ESYT2: variants seen among roughly 807,000 people sequenced by gnomAD.
ESYT2 encodes extended synaptotagmin-2.
A neutral mutation model predicts 107.2 loss-of-function variants in ESYT2; 54 were observed. The ratio of observed to expected loss-of-function variants is 0.50; its 90% confidence interval spans 0.40 to 0.63. The LOEUF is 0.63. Ranked by LOEUF, ESYT2 falls within the 30% of genes least tolerant of loss-of-function variation. The probability of loss-of-function intolerance (pLI) is 0.00; values close to 1 mark genes in which losing one functional copy is unlikely to be tolerated. For synonymous variants in ESYT2, 491 were observed against 434.1 expected (o/e 1.13, Z -1.63); for missense variants, 1,020 against 1,094.5 (o/e 0.93, Z 0.96).
chr7:158,759,682 G>A, intron 12 of ESYT2, 101 bp from the exon 13 acceptor site: 5 of 952,116 alleles, frequency 5.3e-6, no homozygotes, highest in South Asian at 5.1e-5. Flanking sequence ...AATAAGAAAG[G>A]TGAGAAACCA....
intron 17 of ESYT2, among the ~76,000 whole-genome samples, chr7:158,743,008 G>C (rs1837267405): frequency 6.6e-6 from 1 of 152,100 alleles, no homozygotes; most frequent in Non-Finnish European, 1.5e-5. Flanking sequence ...GCATTTCTTT[G>C]ATTCATGAGT....
At chr7:158,754,098 G>A (rs969681806) in intron 13 of ESYT2, among the ~76,000 whole-genome samples, 1 of 152,196 alleles carries the variant, frequency 6.6e-6, no homozygotes, top group African/African-American at 2.4e-5. Context: ...AAGTGCTTCA[G>A]GCAGGTGCCC....
At chr7:158,797,674 G>A (rs1283892435) in intron 3 of ESYT2, among the ~76,000 whole-genome samples, 5 of 151,972 alleles carry the variant, frequency 3.3e-5, no homozygotes, top group Non-Finnish European at 7.4e-5. Flanking sequence ...GTAACATGGT[G>A]AAACCCCGTC....
At chr7:158,735,834 T>C (rs907227921) in intron 20 of ESYT2, among the ~76,000 whole-genome samples, 4 of 152,138 alleles carry the variant, frequency 2.6e-5, no homozygotes, top group Non-Finnish European at 5.9e-5. Context: ...ATCCCATAGA[T>C]GTCTGGGTCC....
At chr7:158,825,882 A>G (rs755548666) in intron 1 of ESYT2, among the ~76,000 whole-genome samples, 1 of 152,140 alleles carries the variant, frequency 6.6e-6, no homozygotes, top group Non-Finnish European at 1.5e-5. Context: ...GTATGGTAAA[A>G]ATCAAGGTAC....
At chr7:158,824,621 T>C (rs1430067196) in intron 1 of ESYT2, among the ~76,000 whole-genome samples, 1 of 152,208 alleles carries the variant, frequency 6.6e-6, no homozygotes, top group Non-Finnish European at 1.5e-5. Context: ...AGGAAGCTAA[T>C]ATGCTTTAAT....
At chr7:158,788,486 A>C in intron 4 of ESYT2, 69 bp from the exon 5 acceptor site, 1 of 1,285,746 alleles carries the variant, frequency 7.8e-7, no homozygotes, top group Non-Finnish European at 1.1e-6. Context: ...ATAGACCTGC[A>C]AGATGTATAA....
intron 6 of ESYT2, among the ~76,000 whole-genome samples, chr7:158,786,642 C>A (rs927915902): frequency 1.3e-5 from 2 of 152,110 alleles, no homozygotes; most frequent in Admixed American, 6.5e-5. Flanking sequence ...ACACTTAATT[C>A]TTTTGTTTTT....
chr7:158,746,603 G>A (rs1245631061), intron 16 of ESYT2, among the ~76,000 whole-genome samples: 1 of 152,068 alleles, frequency 6.6e-6, no homozygotes, highest in Non-Finnish European at 1.5e-5. Flanking sequence ...GGAACAGAAG[G>A]AATTCCAGAA....
intron 8 of ESYT2, among the ~76,000 whole-genome samples, chr7:158,766,275 T>TA (rs1261240328): frequency 3.3e-5 from 5 of 152,206 alleles, no homozygotes; most frequent in African/African-American, 1.2e-4. Flanking sequence ...CTCTTGTTTA[T>TA]ATTTTCACAT....
chr7:158,787,817 T>C (rs1441785819), intron 6 of ESYT2, among the ~76,000 whole-genome samples, 187 bp downstream of exon 6: 3 of 152,214 alleles, frequency 2.0e-5, no homozygotes, highest in Non-Finnish European at 4.4e-5. Flanking sequence ...GAAAGAGAGC[T>C]GTTTATCAAG....
intron 4 of ESYT2, among the ~76,000 whole-genome samples, chr7:158,788,754 A>G (rs1374244321): frequency 6.6e-6 from 1 of 152,248 alleles, no homozygotes; most frequent in Non-Finnish European, 1.5e-5. Flanking sequence ...GCAACTTCTG[A>G]AGCAGTCTTT....
Position 158,734,217 on chromosome 7 carries a change from G to T in ESYT2, c.2591C>A (p.Ala864Glu). ...DLTEDGTRPQ[A>E]MT ...TCCTGCCTGCTGCGGCTATGTCATC[G>T]CCTGAGGCCTCGTCCCATCTTCCGT... The change falls in exon 23 of 23, where the codon GCG becomes GAG. Residue 864 changes from alanine to glutamate, a missense_variant. Physicochemically the swap from Ala to Glu is moderately radical, Grantham distance 107. Coordinates refer to ENST00000275418, the MANE Select transcript of ESYT2 (RefSeq NM_001367773.1). The T allele has an allele frequency of 6.2e-7, 1 of 1,614,080 alleles. No individual in the cohort carries two copies. The highest frequency in any genetic ancestry group is 8.5e-7 in the Non-Finnish European group (1 of 1,180,036).
chr7:158,807,279 C>T (rs183871397), intron 1 of ESYT2, among the ~76,000 whole-genome samples: 1 of 135,606 alleles, frequency 7.4e-6, no homozygotes, highest in Non-Finnish European at 1.6e-5. Flanking sequence ...AAAAGAATTA[C>T]AGAAGTGACT....
rs1459695323 is a variant in ESYT2, at chr7:158,789,781, A to T, written c.585-1364T>A. Among the ~76,000 whole-genome samples the T allele has an allele frequency of 9.2e-5, 14 of 152,368 alleles. No individual in the cohort carries two copies. In the South Asian group the frequency reaches 2.9e-3, roughly 32 times the overall value. On this transcript the variant is annotated intron_variant, in intron 4 of 22. Coordinates refer to ENST00000275418, the MANE Select transcript of ESYT2 (RefSeq NM_001367773.1). ...GAATGCATATTTGTTCAGAGACATA[A>T]ATCTGAGCAGGATACTTGGCATATG...
chr7:158,815,832 AC>A (rs1428930783), intron 1 of ESYT2, among the ~76,000 whole-genome samples: 1 of 152,252 alleles, frequency 6.6e-6, no homozygotes, highest in Non-Finnish European at 1.5e-5. Context: ...TTTATGTGCC[AC>A]TAAGAGCACA....
At position 158,748,257 on chromosome 7, in the gene ESYT2, A is replaced by G. The variant is rs1358898927; in HGVS notation, c.1581T>C (p.Pro527=). Residue 527 remains proline, a synonymous_variant, in exon 16 of 23, where the codon CCT becomes CCC. Coordinates refer to ENST00000275418, the MANE Select transcript of ESYT2 (RefSeq NM_001367773.1). ...ESKIRYKTNE[P]VWEENFTFFI... ...AGAAAGTGAAGTTTTCCTCCCACAC[A>G]GGTTCATTGGTTTTGTATCGAATCT... 6.2e-7 allele frequency: 1 copy of G among 1,614,166 alleles called. No individual in the cohort carries two copies. Among genetic ancestry groups the G allele is most frequent in the Non-Finnish European group, 8.5e-7 (1 of 1,180,006 alleles).
intron 13 of ESYT2, among the ~76,000 whole-genome samples, chr7:158,757,341 T>C (rs1268395721): frequency 6.6e-6 from 1 of 152,188 alleles, no homozygotes; most frequent in Admixed American, 6.5e-5. Context: ...CAAATAGTGC[T>C]CTATAGACTG....
intron 1 of ESYT2, among the ~76,000 whole-genome samples, chr7:158,827,047 C>A (rs1312687579): frequency 6.6e-6 from 1 of 150,900 alleles, no homozygotes; most frequent in Non-Finnish European, 1.5e-5. Flanking sequence ...CCTGTAATCC[C>A]AGCTACTCGG....
Sources: allele counts gnomAD v4.1 joint callset (sites outside exome capture counted in the v4.1 genomes callset), GRCh38; gene constraint gnomAD v4.1.1; transcripts MANE v1.5; gene names NCBI Gene and HGNC (gene_info 2026-07-23, HGNC 2026-07-21).